COMMD10: variants seen among roughly 807,000 people sequenced by gnomAD.
COMMD10 encodes COMM domain-containing protein 10.
COMMD10 carries 33 observed loss-of-function variants against 28.9 expected under a neutral mutation model. The observed-to-expected ratio is 1.14, with a 90% CI of 0.87 to 1.53. COMMD10 has a LOEUF of 1.53. Among genes scored for constraint, COMMD10 ranks in the 40% most tolerant of loss-of-function variants. The pLI is 0.00. For missense variants in COMMD10, 310 were observed against 233.4 expected (o/e 1.33, Z -2.14); for synonymous variants, 110 against 81.7 (o/e 1.35, Z -1.87).
chr5:116,204,705 A>T (rs984374950), intron 5 of COMMD10, among the ~76,000 whole-genome samples: 1 of 152,184 alleles, frequency 6.6e-6, no homozygotes. Flanking sequence ...CAGCACCATA[A>T]TTAAATTGCA....
Position 116,127,115 on chromosome 5 carries a change from G to T in COMMD10, c.400-6953G>T, listed in dbSNP as rs569133664. 2.6e-4 allele frequency among the ~76,000 whole-genome samples: 39 copies of T among 152,296 alleles called. 1 individual carries two copies. The highest frequency in any genetic ancestry group is 6.8e-3 in the Middle Eastern group (2 of 294). On this transcript the variant is annotated intron_variant, in intron 4 of 6. Transcript: ENST00000274458. ...ACAACCCCATCAAAAAGTGGGCAAA[G>T]GATATGAACAGACACTTCTCAAAAG... is the stretch of plus-strand genomic sequence containing the variant.
chr5:116,223,971 G>A (rs1749328448), intron 5 of COMMD10, among the ~76,000 whole-genome samples: 1 of 152,126 alleles, frequency 6.6e-6, no homozygotes. Context: ...AGTAATGCAT[G>A]TGTTTGGAGC....
intron 4 of COMMD10, among the ~76,000 whole-genome samples, chr5:116,100,715 A>T (rs763325920): frequency 3.9e-5 from 6 of 151,992 alleles, no homozygotes; most frequent in Non-Finnish European, 7.4e-5. Context: ...TTTGCAGAAT[A>T]TGATTGAAGG....
rs1239707984 is a variant in COMMD10, at chr5:116,284,145, C to G, written c.511-7372C>G. The stretch of plus-strand genomic sequence containing the variant: ...AGACCCCATCTCAAAAATAAACAAA[C>G]AAAAAAGAATGATCAGCAAATTTAA... On this transcript the variant is annotated intron_variant, in intron 5 of 6. Coordinates refer to ENST00000274458, the MANE Select transcript of COMMD10 (RefSeq NM_016144.4). Among the ~76,000 whole-genome samples the G allele has an allele frequency of 1.3e-5, 2 of 150,434 alleles. 1 individual carries two copies. The highest frequency in any genetic ancestry group is 4.9e-5 in the African/African-American group (2 of 40,764).
intron 5 of COMMD10, among the ~76,000 whole-genome samples, chr5:116,165,120 C>A (rs1452193702): frequency 2.0e-5 from 3 of 152,156 alleles, no homozygotes; most frequent in African/African-American, 7.2e-5. Flanking sequence ...TGAAGAGAAT[C>A]TCTGAGACTA....
At chr5:116,193,363 G>T (rs965131119) in intron 5 of COMMD10, among the ~76,000 whole-genome samples, 2 of 152,146 alleles carry the variant, frequency 1.3e-5, no homozygotes, top group Admixed American at 1.3e-4. Flanking sequence ...CCACTTAAAA[G>T]ATACAGAGTG....
chr5:116,175,836 C>T (rs973527628), intron 5 of COMMD10, among the ~76,000 whole-genome samples: 108 of 152,100 alleles, frequency 7.1e-4, no homozygotes, highest in African/African-American at 2.6e-3. Flanking sequence ...TTCATAGAGA[C>T]AGAAAGTAGA....
At chr5:116,167,110 T>C (rs1753146567) in intron 5 of COMMD10, among the ~76,000 whole-genome samples, 1 of 151,214 alleles carries the variant, frequency 6.6e-6, no homozygotes, top group African/African-American at 2.4e-5. Context: ...TGAAAAAAGG[T>C]TGCAGGAATT....
At chr5:116,178,787 C>T (rs1022278289) in intron 5 of COMMD10, among the ~76,000 whole-genome samples, 2 of 152,050 alleles carry the variant, frequency 1.3e-5, no homozygotes, top group Admixed American at 6.6e-5. Context: ...AAAGTTAATG[C>T]CCTGATTTAT....
rs532817772 is a variant in COMMD10, at chr5:116,126,740, G to A, written c.400-7328G>A. On this transcript the variant is annotated intron_variant, in intron 4 of 6. Coordinates refer to ENST00000274458, the MANE Select transcript of COMMD10 (RefSeq NM_016144.4). ...TAGCCATATGTAGAAAGCTGAAACT[G>A]GATCCCTTCCTTACACCTTATACAA... Among the ~76,000 whole-genome samples the A allele has an allele frequency of 2.0e-5, 3 of 152,244 alleles. No individual in the cohort carries two copies. The South Asian group carries it at 6.2e-4, about 32-fold the overall frequency.
intron 4 of COMMD10, among the ~76,000 whole-genome samples, chr5:116,110,131 T>TA (rs1437726310): frequency 6.6e-6 from 1 of 152,252 alleles, no homozygotes; most frequent in Non-Finnish European, 1.5e-5. Context: ...GGTTTGATCA[T>TA]AAAGTTTTTC....
At chr5:116,219,354 C>T (rs2112642448) in intron 5 of COMMD10, among the ~76,000 whole-genome samples, 1 of 152,222 alleles carries the variant, frequency 6.6e-6, no homozygotes, top group Non-Finnish European at 1.5e-5. Context: ...AACAGCTCCT[C>T]ACAGATAGAA....
intron 5 of COMMD10, among the ~76,000 whole-genome samples, chr5:116,187,669 T>C (rs969496405): frequency 6.6e-6 from 1 of 152,114 alleles, no homozygotes; most frequent in Non-Finnish European, 1.5e-5. Flanking sequence ...CTAATTTAAA[T>C]ATCCAACGGA....
chr5:116,258,855 T>A lies in COMMD10; in HGVS notation c.511-32662T>A, dbSNP rs151129852. Among the ~76,000 whole-genome samples the A allele has an allele frequency of 2.6e-3, 389 of 151,784 alleles. 1 individual carries two copies. The highest frequency in any genetic ancestry group is 4.4e-3 in the Non-Finnish European group (300 of 67,980). On this transcript the variant is annotated intron_variant, in intron 5 of 6. Transcript: ENST00000274458. The stretch of plus-strand genomic sequence containing the variant: ...CTTTTGTCTGAAACCCGAATCTACC[T>A]TTAGCTAAGGGAAATTTTCTTCTTT...
chr5:116,165,721 T>G (rs1399338714), intron 5 of COMMD10, among the ~76,000 whole-genome samples: 3 of 152,114 alleles, frequency 2.0e-5, no homozygotes, highest in African/African-American at 7.2e-5. Flanking sequence ...CCTTGTTATT[T>G]TCTAATCTAG....
At chr5:116,148,966 G>A (rs145241756) in intron 5 of COMMD10, among the ~76,000 whole-genome samples, 15,545 of 150,018 alleles carry the variant, frequency 0.1, 920 homozygotes, top group African/African-American at 0.15. Context: ...TCATCATGTA[G>A]CATTAGGTAT....
At chr5:116,198,429 C>T (rs1022030644) in intron 5 of COMMD10, among the ~76,000 whole-genome samples, 2 of 152,050 alleles carry the variant, frequency 1.3e-5, no homozygotes, top group Non-Finnish European at 2.9e-5. Flanking sequence ...AGAGATCCCC[C>T]GTATATTCCC....
intron 5 of COMMD10, chr5:116,188,538 G>A (rs978992105): frequency 2.0e-5 from 3 of 151,898 alleles, no homozygotes; most frequent in Non-Finnish European, 2.9e-5. Context: ...ATATGCTACT[G>A]AAGTAAGTGA....
chr5:116,122,773 C>A (rs1751485083), intron 4 of COMMD10, among the ~76,000 whole-genome samples: 1 of 152,062 alleles, frequency 6.6e-6, no homozygotes, highest in Non-Finnish European at 1.5e-5. Context: ...CATGATTTGG[C>A]TCTCTGTCTG....
Sources: allele counts gnomAD v4.1 joint callset (sites outside exome capture counted in the v4.1 genomes callset), GRCh38; gene constraint gnomAD v4.1.1; transcripts MANE v1.5; gene names NCBI Gene and HGNC (gene_info 2026-07-23, HGNC 2026-07-21).